The following CDH19 variants were observed in gnomAD, a reference collection of about 807,000 sequenced individuals.
The protein encoded by CDH19 is cadherin 19.
CDH19 carries 67 observed loss-of-function variants against 64.2 expected under a neutral mutation model. The ratio of observed to expected loss-of-function variants is 1.04; its 90% CI spans 0.86 to 1.28. The LOEUF is 1.28. Among genes scored for constraint, CDH19 ranks in the 50% most tolerant of loss-of-function variants. The pLI is 0.00. For missense variants in CDH19, 1,030 were observed against 929.0 expected, an observed-to-expected ratio of 1.11 and a Z score of -1.41; for synonymous variants, 346 against 319.3, an observed-to-expected ratio of 1.08 and a Z score of -0.89.
intron 11 of CDH19, among the ~76,000 whole-genome samples, chr18:66,506,803 T>C (rs1056214726): frequency 1.4e-4 from 22 of 151,930 alleles, no homozygotes; most frequent in Non-Finnish European, 2.4e-4. Flanking sequence ...TTATGAATAG[T>C]ATCACAAAGA....
chr18:66,504,860 A>C lies in CDH19; in HGVS notation c.2271T>G (p.Phe757Leu). The C allele has an allele frequency of 6.2e-7, 1 of 1,610,464 alleles. No individual in the cohort carries two copies. Among genetic ancestry groups the C allele is most frequent in the Non-Finnish European group, 8.5e-7 (1 of 1,177,226 alleles). Residue 757 changes from phenylalanine (F) to leucine (L), a missense_variant, in exon 12 of 12, where the codon TTT becomes TTG. Coordinates refer to ENST00000262150, the MANE Select transcript of CDH19 (RefSeq NM_021153.4). ...YDYLNELGPR[F>L]KRLACMFGSA... The stretch of plus-strand genomic sequence containing the variant: ...AACCAAACATGCATGCTAATCTTTT[A>C]AAGCGAGGTCCCAACTCATTAAGGT...
chr18:66,528,517 G>A (rs561678541), intron 9 of CDH19, among the ~76,000 whole-genome samples: 13 of 152,032 alleles, frequency 8.6e-5, no homozygotes, highest in Non-Finnish European at 1.9e-4. Flanking sequence ...AATTTTTAAA[G>A]TCATTTGTAT....
At chr18:66,599,518 T>C (rs1988989036) in intron 1 of CDH19, among the ~76,000 whole-genome samples, 2 of 152,062 alleles carry the variant, frequency 1.3e-5, no homozygotes, top group Non-Finnish European at 2.9e-5. Context: ...TAGAGTATTC[T>C]ACATTTCAAA....
intron 1 of CDH19, among the ~76,000 whole-genome samples, chr18:66,601,825 A>G (rs1334975636): frequency 1.3e-5 from 2 of 151,650 alleles, no homozygotes; most frequent in Admixed American, 1.3e-4. Flanking sequence ...GTGGGTAAAA[A>G]AAAACGCTGT....
chr18:66,524,569 T>TATATATATATATATATATATATCA (rs1276593665), intron 9 of CDH19, among the ~76,000 whole-genome samples: 1 of 135,164 alleles, frequency 7.4e-6, no homozygotes, highest in Non-Finnish European at 1.6e-5. Context: ...TATATATATA[T>TATATATATATATATATATATATCA]AAACATCATC....
At chr18:66,521,382 C>A (rs1211820988) in intron 9 of CDH19, among the ~76,000 whole-genome samples, 4 of 152,128 alleles carry the variant, frequency 2.6e-5, no homozygotes, top group African/African-American at 7.2e-5. Context: ...ACTACATCAA[C>A]ACGAGGTACT....
At chr18:66,533,006 T>A (rs1462319353) in intron 8 of CDH19, among the ~76,000 whole-genome samples, 1 of 152,058 alleles carries the variant, frequency 6.6e-6, no homozygotes, top group African/African-American at 2.4e-5. Flanking sequence ...ATTTTGGCAA[T>A]CTCTTAGATT....
At chr18:66,544,319 G>T in intron 6 of CDH19, 95 bp from the exon 7 acceptor site, 1 of 1,171,634 alleles carries the variant, frequency 8.5e-7, no homozygotes, top group Non-Finnish European at 1.2e-6. Flanking sequence ...AAGTCTCAGT[G>T]GCCTTTCAGT....
chr18:66,570,352 C>T (rs959653588), intron 2 of CDH19, among the ~76,000 whole-genome samples: 1 of 151,626 alleles, frequency 6.6e-6, no homozygotes, highest in African/African-American at 2.4e-5. Context: ...GAACACCAGC[C>T]TTTTAATGTC....
rs1056490146 is a variant in CDH19 at position 66,501,368 on chromosome 18, G to T, written c.*3444C>A. Reference sequence around the variant, plus strand: ...TAATACAAAGCAAGACAAAGCCAGGGTCACTGGAAGCAGCAGTGGTCTTTC... The same window carrying T: ...TAATACAAAGCAAGACAAAGCCAGGTTCACTGGAAGCAGCAGTGGTCTTTC... On this transcript the variant is annotated 3_prime_UTR_variant, in exon 12 of 12. Transcript: ENST00000262150. The T allele has an allele frequency of 1.3e-5, 2 of 152,186 alleles. No individual in the cohort carries two copies. Among genetic ancestry groups the T allele is most frequent in the African/African-American group, 4.8e-5 (2 of 41,440 alleles). 9.4% of individuals were successfully genotyped at this position (152,186 alleles called of 1,614,324 possible). A position where few individuals can be genotyped will look rare whatever the true frequency, so the allele number is the denominator to read the frequency against.
rs1985126626 is a variant in CDH19, at chr18:66,505,146, C to G, written c.1985G>C (p.Ser662Thr). Reference sequence around the variant, plus strand: ...AGTCTTGCGTTCCCGCATTATGGTACTACTCCTCAGCTCTGCTATATCAAA... The same window carrying G: ...AGTCTTGCGTTCCCGCATTATGGTAGTACTCCTCAGCTCTGCTATATCAAA... ...EAFDIAELRS[S>T]TIMRERKTRK... Residue 662 changes from serine (S) to threonine (T), a missense_variant, in exon 12 of 12, where the codon AGT (serine) becomes ACT (threonine). Physicochemically the swap from Ser to Thr is moderately conservative, Grantham distance 58. Transcript: ENST00000262150. 3 of 1,613,504 alleles carry G rather than the reference C, an allele frequency of 1.9e-6. No homozygotes were observed. The highest frequency in any genetic ancestry group is 1.7e-5 in the Admixed American group (1 of 59,938).
At chr18:66,556,451 A>G (rs1215866281) in intron 3 of CDH19, among the ~76,000 whole-genome samples, 3 of 151,720 alleles carry the variant, frequency 2.0e-5, no homozygotes, top group Non-Finnish European at 4.4e-5. Flanking sequence ...TCCCCGACAC[A>G]TTATTTTATT....
chr18:66,546,818 C>A (rs1243908046), intron 5 of CDH19, among the ~76,000 whole-genome samples: 1 of 151,938 alleles, frequency 6.6e-6, no homozygotes, highest in African/African-American at 2.4e-5. Flanking sequence ...GAAAAGCCAG[C>A]GAGCCTGGAG....
At chr18:66,584,292 A>G (rs1486136519) in intron 1 of CDH19, among the ~76,000 whole-genome samples, 2 of 152,112 alleles carry the variant, frequency 1.3e-5, no homozygotes, top group Non-Finnish European at 2.9e-5. Flanking sequence ...AAAGTACGAG[A>G]TACCATCTTA....
chr18:66,542,785 G>T (rs1986941155), intron 7 of CDH19, among the ~76,000 whole-genome samples: 1 of 151,996 alleles, frequency 6.6e-6, no homozygotes, highest in Non-Finnish European at 1.5e-5. Flanking sequence ...ATAGGAGCAT[G>T]AATCCTGTTG....
chr18:66,563,052 A>T (rs1330841078), intron 3 of CDH19, among the ~76,000 whole-genome samples: 1 of 152,132 alleles, frequency 6.6e-6, no homozygotes, highest in Admixed American at 6.6e-5. Context: ...CCTGTGTCAC[A>T]TAGAATGCTT....
intron 9 of CDH19, among the ~76,000 whole-genome samples, chr18:66,523,949 C>T (rs1986106174): frequency 6.6e-6 from 1 of 151,958 alleles, no homozygotes; most frequent in Non-Finnish European, 1.5e-5. Context: ...GTGCACAGCG[C>T]AGGACCTTGT....
chr18:66,546,008 T>A (rs1489009964), intron 5 of CDH19, among the ~76,000 whole-genome samples: 1 of 152,118 alleles, frequency 6.6e-6, no homozygotes, highest in Non-Finnish European at 1.5e-5. Flanking sequence ...ATACTATTTT[T>A]AAATTATTAT....
chr18:66,540,183 G>C (rs939825227), intron 7 of CDH19, among the ~76,000 whole-genome samples: 20 of 152,162 alleles, frequency 1.3e-4, no homozygotes, highest in Middle Eastern at 3.4e-3. Flanking sequence ...TTACTCCGTT[G>C]CTTTCAGTTT....
Sources: allele counts gnomAD v4.1 joint callset (sites outside exome capture counted in the v4.1 genomes callset), GRCh38; gene constraint gnomAD v4.1.1; transcripts MANE v1.5; gene names NCBI Gene and HGNC (gene_info 2026-07-23, HGNC 2026-07-21).